The following CDH26 variants were observed in gnomAD, a reference collection of about 807,000 sequenced individuals.
CDH26 encodes the protein cadherin-like protein 26.
In CDH26, 83 loss-of-function variants were observed where a neutral mutation model predicts 90.3. That is an observed-to-expected ratio of 0.92 (90% CI 0.77 to 1.10). The LOEUF (loss-of-function observed/expected upper bound fraction) is 1.10, where lower values mean the gene tolerates loss of function less well. Among genes scored for constraint, CDH26 ranks in the 50% least tolerant of loss-of-function variants. CDH26 has a pLI of 0.00. For missense variants in CDH26, 1,013 were observed against 1,037.6 expected (o/e 0.98, Z 0.33); for synonymous variants, 397 against 396.3 (o/e 1.00, Z -0.02).
intron 4 of CDH26, among the ~76,000 whole-genome samples, chr20:59,972,664 A>G (rs1375832930): frequency 6.6e-6 from 1 of 152,202 alleles, no homozygotes; most frequent in East Asian, 1.9e-4. Context: ...GCCCTGAACC[A>G]TGTATCACAT....
At position 59,988,928 on chromosome 20, in the gene CDH26, G is replaced by C. The variant is rs2061491398; in HGVS notation, c.1048G>C (p.Ala350Pro). 1 of 1,614,146 alleles carries C rather than the reference G, an allele frequency of 6.2e-7. No homozygotes were observed. Among genetic ancestry groups the C allele is most frequent in the East Asian group, 2.2e-5 (1 of 44,880 alleles). The change falls in exon 9 of 18, where the codon GCG (alanine) becomes CCG (proline). Residue 350 changes from alanine to proline, a missense_variant. Transcript: ENST00000348616. ...IKPLDYETRP[A>P]QSLIIVVENE... ...GCCTTTGGATTATGAGACTCGCCCA[G>C]CGCAAAGCCTCATCATTGTCGTGGA...
intron 12 of CDH26, 187 bp from the exon 13 acceptor site, chr20:59,996,444 A>C: frequency 4.4e-6 from 7 of 1,591,678 alleles, no homozygotes; most frequent in Non-Finnish European, 5.1e-6. Context: ...TTAATTCAAC[A>C]AACAGTTATG....
chr20:59,983,898 G>A (rs963985221), intron 5 of CDH26, among the ~76,000 whole-genome samples: 1 of 152,068 alleles, frequency 6.6e-6, no homozygotes, highest in South Asian at 2.1e-4. Flanking sequence ...ACCCTGTTGT[G>A]TAATATTTTA....
downstream of CDH26, chr20:60,014,571 G>C (rs1050738216): frequency 1.3e-5 from 2 of 152,016 alleles, no homozygotes; most frequent in African/African-American, 4.8e-5. Flanking sequence ...TCTGCAGCTG[G>C]CTTATTTCTC....
intron 8 of CDH26, among the ~76,000 whole-genome samples, chr20:60,032,742 G>A (rs1218364090): frequency 1.3e-5 from 2 of 150,698 alleles, no homozygotes; most frequent in South Asian, 2.1e-4. Flanking sequence ...GTAAACTATC[G>A]CAAGAACAAA....
intron 12 of CDH26, 52 bp from the exon 13 acceptor site, chr20:59,996,579 T>G (rs1417402157): frequency 1.2e-6 from 2 of 1,614,234 alleles, no homozygotes; most frequent in South Asian, 1.1e-5. Context: ...TCATGAAACC[T>G]CTGATATGGG....
At chr20:59,986,965 T>C (rs1221220109) in intron 7 of CDH26, among the ~76,000 whole-genome samples, 1 of 152,188 alleles carries the variant, frequency 6.6e-6, no homozygotes, top group African/African-American at 2.4e-5. Context: ...ATATACCCTC[T>C]TATTTTGAAG....
chr20:59,996,150 C>A, intron 12 of CDH26, 96 bp downstream of exon 12: 1 of 1,264,196 alleles, frequency 7.9e-7, no homozygotes, highest in Non-Finnish European at 1.1e-6. Context: ...ACAGCGGTGG[C>A]AGGATTGGTG....
intron 17 of CDH26, among the ~76,000 whole-genome samples, chr20:60,011,796 A>C (rs2061846781): frequency 6.6e-6 from 1 of 151,878 alleles, no homozygotes; most frequent in African/African-American, 2.4e-5. Flanking sequence ...TGTGGGCAAA[A>C]CCACAGTGGT....
exon 8 of CDH26, chr20:60,031,294 G>A: frequency 7.8e-7 from 1 of 1,288,726 alleles, no homozygotes; most frequent in Non-Finnish European, 1.0e-6. Flanking sequence ...AAGAGCCACA[G>A]CTGGGCGAGG....
At chr20:60,033,847 A>G (rs1849434840) in exon 9 of CDH26, 2 of 1,016,432 alleles carry the variant, frequency 2.0e-6, no homozygotes, top group South Asian at 4.7e-5. Flanking sequence ...GGTCATAAAT[A>G]ACTTTTCCTC....
intron 7 of CDH26, among the ~76,000 whole-genome samples, chr20:60,026,717 C>T (rs2062000987): frequency 6.6e-6 from 1 of 152,234 alleles, no homozygotes; most frequent in South Asian, 2.1e-4. Flanking sequence ...GATGCCTTGA[C>T]TTTGGCTCTG....
At chr20:60,027,416 C>A (rs2062006363) in intron 7 of CDH26, among the ~76,000 whole-genome samples, 2 of 152,122 alleles carry the variant, frequency 1.3e-5, no homozygotes, top group South Asian at 4.1e-4. Flanking sequence ...ATCTTTCCAT[C>A]CCTCTTTTTT....
chr20:59,989,555 AAAAG>A (rs1432545179), intron 9 of CDH26, among the ~76,000 whole-genome samples: 3 of 149,190 alleles, frequency 2.0e-5, no homozygotes, highest in Admixed American at 1.3e-4. Flanking sequence ...AAAAAAAAAG[AAAAG>A]AAAACCAGCT....
At chr20:60,006,854 T>A (rs954567002) in intron 17 of CDH26, 67 bp downstream of exon 17, 13 of 1,195,412 alleles carry the variant, frequency 1.1e-5, no homozygotes, top group Non-Finnish European at 1.5e-5. Flanking sequence ...GCTCCAGGCT[T>A]GATTTGGGGA....
intron 1 of CDH26, among the ~76,000 whole-genome samples, chr20:59,966,586 A>G (rs1056200957): frequency 2.0e-5 from 3 of 152,222 alleles, no homozygotes; most frequent in Non-Finnish European, 2.9e-5. Flanking sequence ...GGAGTTTGGT[A>G]CCACTGCCTT....
intron 1 of CDH26, among the ~76,000 whole-genome samples, chr20:59,965,607 T>A (rs1359031256): frequency 4.6e-5 from 7 of 152,230 alleles, no homozygotes. Flanking sequence ...TGCTTCTGTA[T>A]TCAGTCTGTT....
At chr20:60,019,250 T>C (rs190916666), downstream of CDH26, among the ~76,000 whole-genome samples, 83 of 152,300 alleles carry the variant, frequency 5.4e-4, no homozygotes, top group African/African-American at 1.7e-3. Flanking sequence ...TGAGTGCCTA[T>C]CTGTTCAACA....
intron 1 of CDH26, among the ~76,000 whole-genome samples, chr20:59,967,806 CT>C (rs1292455487): frequency 2.9e-5 from 4 of 137,444 alleles, no homozygotes; most frequent in African/African-American, 1.1e-4. Context: ...CCCTCCCTCC[CT>C]CCCTCATTTC....
Sources: gnomAD v4.1 joint callset for allele counts (sites outside exome capture counted in the v4.1 genomes callset) on GRCh38, gnomAD v4.1.1 for gene constraint, MANE v1.5 for transcripts, NCBI Gene and HGNC (gene_info 2026-07-23, HGNC 2026-07-21) for gene names.